Variants in NOA1 observed in about 807,000 individuals in gnomAD.
The protein encoded by NOA1 is nitric oxide associated 1.
In NOA1, 35 loss-of-function variants were observed where a neutral mutation model predicts 58.4. That is an observed-to-expected ratio of 0.60 (90% confidence interval 0.46 to 0.79). NOA1 has a LOEUF of 0.79. Among genes scored for constraint, NOA1 ranks in the 30% least tolerant of loss-of-function variants. NOA1 has a pLI of 0.00. For synonymous variants in NOA1, 397 were observed against 373.4 expected, an observed-to-expected ratio of 1.06 and a Z score of -0.73; for missense variants, 895 against 894.6, an observed-to-expected ratio of 1.00 and a Z score of -0.01.
chr4:56,976,301 C>G, intron 1 of NOA1, 141 bp downstream of exon 1: 1 of 689,376 alleles, frequency 1.5e-6, no homozygotes, highest in South Asian at 1.9e-5. Context: ...AGAGGTGTGA[C>G]CAGAGTGGGG....
rs1560462539 is a variant in NOA1 at position 56,963,407 on chromosome 4, TTG to T, written c.*41_*42del. On this transcript the variant is annotated 3_prime_UTR_variant, in exon 7 of 7. Transcript: ENST00000264230. ...TTTAATACAAATTCAATGTATTTTG[TTG>T]TGTTCAATACAGTTAATATCTGGAG... 2 of 1,401,946 alleles carry T rather than the reference TTG, an allele frequency of 1.4e-6. No individual in the cohort carries two copies. 86.8% of individuals were successfully genotyped at this position (1,401,946 alleles called of 1,614,324 possible). A position where few individuals can be genotyped will look rare whatever the true frequency, so the allele number is the denominator to read the frequency against.
At position 56,968,405 on chromosome 4, in the gene NOA1, T is replaced by TA. The variant is rs1721754917; in HGVS notation, c.1625dup (p.Gly543ArgfsTer64). On this transcript the variant is annotated frameshift_variant, in exon 4 of 7. Transcript: ENST00000264230. LOFTEE classifies it high-confidence loss of function. ...TTACCTGCAGGAAATCTATGCGGCC[T>TA]ATAGCACCCAAAAACAGAACCATTC... is the stretch of plus-strand genomic sequence containing the variant. The TA allele has an allele frequency of 6.2e-7, 1 of 1,612,666 alleles. No individual in the cohort carries two copies.
intron 1 of NOA1, among the ~76,000 whole-genome samples, chr4:56,974,337 G>A (rs1261051286): frequency 6.6e-6 from 1 of 152,162 alleles, no homozygotes; most frequent in African/African-American, 2.4e-5. Context: ...GAACAAATGG[G>A]GCAGTCAGTT....
chr4:56,977,219 C>G lies in NOA1; in HGVS notation c.367G>C (p.Glu123Gln). 1 of 1,580,276 alleles carries G rather than the reference C, an allele frequency of 6.3e-7. No individual in the cohort carries two copies. Among genetic ancestry groups the G allele is most frequent in the Non-Finnish European group, 8.6e-7 (1 of 1,165,406 alleles). Residue 123 changes from glutamate (E) to glutamine (Q), a missense_variant, in exon 1 of 7, where the codon GAG becomes CAG. Glu to Gln is a conservative substitution (Grantham distance 29). Around this residue, in one of 3 missense-constraint regions of NOA1, gnomAD observed 680 missense variants for 656.5 expected, o/e 1.04. Transcript: ENST00000264230. ...RQQNLRARSR[E>Q]HPVVGHPDPA... ...TCCGGGTGCCCCACGACCGGGTGCTCCCGGGACCTGGCCCGTAGGTTTTGC... is the reference window on the plus strand; with the variant it reads ...TCCGGGTGCCCCACGACCGGGTGCTGCCGGGACCTGGCCCGTAGGTTTTGC...
At position 56,976,956 on chromosome 4, in the gene NOA1, C is replaced by T; in HGVS notation, c.630G>A (p.Arg210=). Residue 210 remains arginine, a synonymous_variant, in exon 1 of 7, where the codon CGG becomes CGA. Transcript: ENST00000264230. ...QYLELVSAAL[R]RPGPSLVLYM... ...AGAGCACCAGGGAGGGGCCGGGCCG[C>T]CGCAACGCGGCGCTCACCAGCTCCA... 6.2e-7 allele frequency: 1 copy of T among 1,602,206 alleles called. No individual in the cohort carries two copies.
rs765464956 is a variant in NOA1, at chr4:56,973,207, G to C, written c.1456C>G (p.Gln486Glu). Residue 486 changes from glutamine (Q) to glutamate (E), a missense_variant, in exon 3 of 7, where the codon CAA becomes GAA. Coordinates refer to ENST00000264230, the MANE Select transcript of NOA1 (RefSeq NM_032313.4). ...KSTKQVELTAQDVKDAHWFYD... is the reference protein window; with the variant it reads ...KSTKQVELTAEDVKDAHWFYD... ...AACCAGTGGGCATCTTTCACATCTT[G>C]TGCAGTCAATTCTACTTGTTTGGTG... The C allele has an allele frequency of 2.2e-5, 36 of 1,613,974 alleles. No homozygotes were observed. The highest frequency in any genetic ancestry group is 3.0e-5 in the Non-Finnish European group (35 of 1,180,016).
intron 4 of NOA1, among the ~76,000 whole-genome samples, 188 bp downstream of exon 4, chr4:56,968,196 G>A (rs981391957): frequency 6.6e-6 from 1 of 152,240 alleles, no homozygotes; most frequent in African/African-American, 2.4e-5. Context: ...GGAATTACAG[G>A]TGTGAGCCAC....
chr4:56,965,753 TA>T (rs1721691336), intron 5 of NOA1, among the ~76,000 whole-genome samples: 1 of 151,362 alleles, frequency 6.6e-6, no homozygotes, highest in African/African-American at 2.4e-5. Context: ...GTCAGGAGTT[TA>T]TACAACTTTT....
At chr4:56,963,788 A>AT in intron 6 of NOA1, 127 bp from the exon 7 acceptor site, 1 of 663,418 alleles carries the variant, frequency 1.5e-6, no homozygotes, top group South Asian at 2.1e-5. Flanking sequence ...TTATTTTATT[A>AT]TTTTTTAAGA....
chr4:56,974,334 T>C (rs1449199237), intron 1 of NOA1, among the ~76,000 whole-genome samples: 1 of 152,100 alleles, frequency 6.6e-6, no homozygotes, highest in Non-Finnish European at 1.5e-5. Context: ...AGGGAACAAA[T>C]GGGGCAGTCA....
At chr4:56,968,937 G>C (rs1482396837) in intron 3 of NOA1, among the ~76,000 whole-genome samples, 1 of 152,222 alleles carries the variant, frequency 6.6e-6, no homozygotes, top group Non-Finnish European at 1.5e-5. Flanking sequence ...TGGTAAGTAT[G>C]CATGCATTAA....
chr4:56,973,192 C>T lies in NOA1; in HGVS notation c.1471G>A (p.Ala491Thr). Residue 491 changes from alanine (A) to threonine (T), a missense_variant, in exon 3 of 7, where the codon GCC becomes ACC. Transcript: ENST00000264230. ...VELTAQDVKD[A>T]HWFYDTPGIT... The stretch of plus-strand genomic sequence containing the variant: ...CCAGGGGTGTCATAAAACCAGTGGG[C>T]ATCTTTCACATCTTGTGCAGTCAAT... 6.2e-7 allele frequency: 1 copy of T among 1,614,114 alleles called. No individual in the cohort carries two copies. The highest frequency in any genetic ancestry group is 8.5e-7 in the Non-Finnish European group (1 of 1,180,016).
intron 1 of NOA1, among the ~76,000 whole-genome samples, chr4:56,975,519 G>A (rs1246804143): frequency 2.0e-5 from 3 of 150,314 alleles, no homozygotes; most frequent in Non-Finnish European, 4.4e-5. Flanking sequence ...TAATCCCAGC[G>A]CTTTGGGAGG....
At chr4:56,971,284 C>T (rs987778302) in intron 3 of NOA1, among the ~76,000 whole-genome samples, 1 of 142,298 alleles carries the variant, frequency 7.0e-6, no homozygotes, top group Non-Finnish European at 1.5e-5. Flanking sequence ...CCACTGCACT[C>T]CAGCCTGGGC....
intron 2 of NOA1, among the ~76,000 whole-genome samples, chr4:56,973,654 T>C (rs1277630134): frequency 6.6e-6 from 1 of 152,158 alleles, no homozygotes; most frequent in Admixed American, 6.6e-5. Flanking sequence ...CTAAAGCTGC[T>C]GCATGGAGTA....
intron 1 of NOA1, 28 bp downstream of exon 1, chr4:56,976,414 C>G: frequency 1.3e-6 from 2 of 1,585,898 alleles, no homozygotes; most frequent in Non-Finnish European, 8.6e-7. Context: ...TGCCAGGAAA[C>G]GAAGAGGGCG....
chr4:56,963,830 C>T (rs1186274329), intron 6 of NOA1, among the ~76,000 whole-genome samples, 169 bp from the exon 7 acceptor site: 1 of 151,998 alleles, frequency 6.6e-6, no homozygotes, highest in African/African-American at 2.4e-5. Context: ...CCAGGCTGAA[C>T]TCAAGTTCCT....
intron 5 of NOA1, among the ~76,000 whole-genome samples, chr4:56,965,814 C>T (rs1721692056): frequency 6.9e-6 from 1 of 144,708 alleles, no homozygotes; most frequent in African/African-American, 2.5e-5. Context: ...TGACACTAAG[C>T]AACCATATTT....
At chr4:56,976,247 A>G (rs1721918551) in intron 1 of NOA1, among the ~76,000 whole-genome samples, 195 bp downstream of exon 1, 1 of 152,216 alleles carries the variant, frequency 6.6e-6, no homozygotes, top group South Asian at 2.1e-4. Flanking sequence ...GAAAATTACT[A>G]CAACACATCC....
Sources: allele counts gnomAD v4.1 joint callset (sites outside exome capture counted in the v4.1 genomes callset), GRCh38; gene constraint gnomAD v4.1.1; regional missense constraint gnomAD v4.1.1; transcripts MANE v1.5; gene names NCBI Gene and HGNC (gene_info 2026-07-23, HGNC 2026-07-21).